Variants in ARK2C observed in about 807,000 individuals in gnomAD.
The protein encoded by ARK2C is arkadia (RNF111) C-terminal like ring finger ubiquitin ligase 2C.
the ARK2C span, among the ~76,000 whole-genome samples, chr18:46,428,162 G>A: frequency 6.6e-6 from 1 of 151,992 alleles, no homozygotes; most frequent in Non-Finnish European, 1.5e-5. Context: ...TGTAATCCCA[G>A]CACGTTGGGA....
chr18:46,410,245 T>A, the ARK2C span, among the ~76,000 whole-genome samples: 2 of 152,200 alleles, frequency 1.3e-5, no homozygotes. Context: ...CTCTGCTGCT[T>A]CCTCTCACCT....
the ARK2C span, among the ~76,000 whole-genome samples, chr18:46,410,028 G>A: frequency 6.6e-6 from 1 of 152,168 alleles, no homozygotes; most frequent in African/African-American, 2.4e-5. Context: ...TCTCCTTAGA[G>A]GTTGCACCAA....
chr18:46,427,049 A>G, the ARK2C span, among the ~76,000 whole-genome samples: 1 of 152,218 alleles, frequency 6.6e-6, no homozygotes, highest in East Asian at 1.9e-4. Context: ...TACAGACCCT[A>G]CATGATTTAG....
chr18:46,413,164 C>G, the ARK2C span, among the ~76,000 whole-genome samples: 1 of 152,100 alleles, frequency 6.6e-6, no homozygotes, highest in Non-Finnish European at 1.5e-5. Flanking sequence ...AGCTGGGAAC[C>G]CTGCCAGGTC....
the ARK2C span, among the ~76,000 whole-genome samples, chr18:46,352,798 T>C: frequency 2.6e-5 from 4 of 152,322 alleles, no homozygotes; most frequent in East Asian, 7.7e-4. Flanking sequence ...CTGAAGGCCA[T>C]GTGCCCAGCT....
the ARK2C span, chr18:46,455,900 C>G: frequency 2.4e-6 from 2 of 834,298 alleles, no homozygotes; most frequent in Non-Finnish European, 4.0e-6. Flanking sequence ...GAAGAGCAGG[C>G]TGTGGGTGAA....
At chr18:46,387,558 C>T in the ARK2C span, among the ~76,000 whole-genome samples, 3 of 152,382 alleles carry the variant, frequency 2.0e-5, no homozygotes, top group Admixed American at 1.3e-4. Flanking sequence ...CCCTGTGCTT[C>T]CCGGCACCAC....
the ARK2C span, among the ~76,000 whole-genome samples, chr18:46,438,966 C>T: frequency 6.6e-6 from 1 of 152,206 alleles, no homozygotes; most frequent in African/African-American, 2.4e-5. Context: ...GGTCTCACAG[C>T]TAAGAAGGGA....
At chr18:46,400,946 G>A in the ARK2C span, among the ~76,000 whole-genome samples, 2 of 152,290 alleles carry the variant, frequency 1.3e-5, no homozygotes, top group East Asian at 3.9e-4. Context: ...AGTGGTGGGA[G>A]ATGGGATACG....
At chr18:46,451,641 GAAAAGTTA>G in the ARK2C span, among the ~76,000 whole-genome samples, 4 of 152,002 alleles carry the variant, frequency 2.6e-5, no homozygotes, top group Non-Finnish European at 2.9e-5. Context: ...CAAAAATTTT[GAAAAGTTA>G]AAAAGTTAAA....
chr18:46,337,336 G>A, the ARK2C span: 1 of 985,364 alleles, frequency 1.0e-6, no homozygotes, highest in South Asian at 4.7e-5. Context: ...AATTTTTTCT[G>A]TATCAAATAT....
the ARK2C span, among the ~76,000 whole-genome samples, chr18:46,436,158 G>T: frequency 1.3e-5 from 2 of 152,060 alleles, no homozygotes; most frequent in African/African-American, 4.8e-5. Context: ...AAAAAGATGT[G>T]CAGTTCACTG....
chr18:46,407,771 G>A, the ARK2C span, among the ~76,000 whole-genome samples: 1 of 152,242 alleles, frequency 6.6e-6, no homozygotes, highest in African/African-American at 2.4e-5. Flanking sequence ...AGAATACTAT[G>A]TTTAGAGAAC....
At chr18:46,406,840 A>G in the ARK2C span, among the ~76,000 whole-genome samples, 1 of 152,178 alleles carries the variant, frequency 6.6e-6, no homozygotes, top group Non-Finnish European at 1.5e-5. Context: ...GCGGATGGTG[A>G]GGGCAGATGT....
the ARK2C span, among the ~76,000 whole-genome samples, chr18:46,356,015 C>T: frequency 2.4e-3 from 360 of 152,148 alleles, 2 homozygotes; most frequent in Non-Finnish European, 4.0e-3. Flanking sequence ...TGGCAGCATT[C>T]CCGTGGCCCT....
At chr18:46,384,380 C>A in the ARK2C span, among the ~76,000 whole-genome samples, 5 of 152,212 alleles carry the variant, frequency 3.3e-5, no homozygotes, top group South Asian at 6.2e-4. Context: ...GATACTTCTT[C>A]CTTCTTATTG....
chr18:46,412,879 C>G, the ARK2C span, among the ~76,000 whole-genome samples: 4 of 152,096 alleles, frequency 2.6e-5, no homozygotes, highest in Admixed American at 2.0e-4. Flanking sequence ...AAGGGGAGCC[C>G]TTTGGTCAAG....
the ARK2C span, chr18:46,447,754 C>T: frequency 2.6e-4 from 412 of 1,599,740 alleles, 2 homozygotes; most frequent in African/African-American, 4.8e-3. Context: ...CTGAGGCCTG[C>T]GGTCCCCTGT....
the ARK2C span, among the ~76,000 whole-genome samples, chr18:46,421,575 A>G: frequency 6.6e-6 from 1 of 152,266 alleles, no homozygotes; most frequent in African/African-American, 2.4e-5. Flanking sequence ...TTAGATGGGG[A>G]AAGTATCTTC....
Sources: gnomAD v4.1 joint callset for allele counts (sites outside exome capture counted in the v4.1 genomes callset) on GRCh38, gnomAD v4.1.1 for gene constraint, MANE v1.5 for transcripts, NCBI Gene and HGNC (gene_info 2026-07-23, HGNC 2026-07-21) for gene names.